The following MB variants were observed in gnomAD, a reference collection of about 807,000 sequenced individuals.
MB encodes nitrite reductase MB.
In MB, 10 loss-of-function variants were observed where a neutral mutation model predicts 14.5. The observed-to-expected ratio is 0.69, with a 90% CI of 0.43 to 1.17. The LOEUF is 1.17. Ranked by LOEUF, MB falls within the 50% of genes most tolerant of loss-of-function variation. The pLI is 0.00. For missense variants in MB, 169 were observed against 192.7 expected (o/e 0.88, Z 0.73); for synonymous variants, 89 against 78.6 (o/e 1.13, Z -0.70).
chr22:35,620,935 T>C (rs1923422587), upstream of MB, among the ~76,000 whole-genome samples: 1 of 152,242 alleles, frequency 6.6e-6, no homozygotes, highest in Admixed American at 6.5e-5. Context: ...GGCATGCTCA[T>C]GGAAACCTGT....
upstream of MB, among the ~76,000 whole-genome samples, chr22:35,620,002 C>T (rs1427625138): frequency 6.6e-6 from 1 of 152,230 alleles, no homozygotes; most frequent in East Asian, 1.9e-4. Context: ...AGGCCCATCT[C>T]TTTAGCAGTG....
intron 1 of MB, among the ~76,000 whole-genome samples, chr22:35,615,159 A>T (rs1308491844): frequency 1.3e-5 from 2 of 152,222 alleles, no homozygotes; most frequent in Non-Finnish European, 1.5e-5. Context: ...GATTGGAGAC[A>T]TAACCTTTCA....
upstream of MB, among the ~76,000 whole-genome samples, chr22:35,619,421 G>C (rs903097920): frequency 6.6e-6 from 1 of 152,204 alleles, no homozygotes; most frequent in Non-Finnish European, 1.5e-5. Flanking sequence ...GGCCATCCTG[G>C]GTCTGCACTG....
chr22:35,619,267 C>T (rs1045878424), upstream of MB, among the ~76,000 whole-genome samples: 1 of 152,252 alleles, frequency 6.6e-6, no homozygotes, highest in African/African-American at 2.4e-5. Context: ...GCCCTTCCTT[C>T]CATCTGCATA....
upstream of MB, chr22:35,617,406 C>A: frequency 1.6e-6 from 1 of 611,208 alleles, no homozygotes; most frequent in South Asian, 1.9e-5. Flanking sequence ...TCGCTGTCCC[C>A]CTCCCCTGCC....
At chr22:35,621,227 A>C (rs115625054), upstream of MB, among the ~76,000 whole-genome samples, 2,949 of 152,290 alleles carry the variant, frequency 0.019, 104 homozygotes, top group African/African-American at 0.067. Flanking sequence ...ACACGCACAC[A>C]CACGCACGAA....
intron 1 of MB, among the ~76,000 whole-genome samples, chr22:35,614,641 T>C (rs545277944): frequency 1.3e-5 from 2 of 152,360 alleles, no homozygotes; most frequent in East Asian, 3.9e-4. Context: ...AAGATTGTTG[T>C]CAGGCTTCAG....
Position 35,617,309 on chromosome 22 carries a change from T to C in MB, c.-52A>G, listed in dbSNP as rs1601846897. 1 of 1,457,800 alleles carries C rather than the reference T, an allele frequency of 6.9e-7. No individual in the cohort carries two copies. Among genetic ancestry groups the C allele is most frequent in the African/African-American group, 1.4e-5 (1 of 72,122 alleles). 90.3% of individuals were successfully genotyped at this position (1,457,800 alleles called of 1,614,324 possible). The stretch of plus-strand genomic sequence containing the variant: ...GCAAGTATGGGCTCACTGGGTGTCC[T>C]GGCCCCAACAGCTGGGGTTTGAGGC... On this transcript the variant is annotated 5_prime_UTR_variant, in exon 1 of 3. Coordinates refer to ENST00000397326, the MANE Select transcript of MB (RefSeq NM_005368.3).
At chr22:35,620,529 C>G (rs374480115), upstream of MB, among the ~76,000 whole-genome samples, 46 of 152,294 alleles carry the variant, frequency 3.0e-4, no homozygotes, top group African/African-American at 1.1e-3. Flanking sequence ...CAGTTTGACC[C>G]TTACTGCTGG....
rs766095327 is a variant in MB at position 35,607,360 on chromosome 22, C to G, written c.402G>C (p.Lys134Asn). 6.2e-7 allele frequency: 1 copy of G among 1,614,204 alleles called. No individual in the cohort carries two copies. Among genetic ancestry groups the G allele is most frequent in the Non-Finnish European group, 8.5e-7 (1 of 1,180,008 alleles). The part of the protein sequence containing the change: ...FGADAQGAMN[K>N]ALELFRKDMA... ...TGTCCTTCCGGAACAGCTCCAGGGC[C>G]TTGTTCATGGCCCCCTGGGCATCAG... Residue 134 changes from lysine (K) to asparagine (N), a missense_variant, in exon 3 of 3, where the codon AAG becomes AAC. Coordinates refer to ENST00000397326, the MANE Select transcript of MB (RefSeq NM_005368.3).
Position 35,607,242 on chromosome 22 carries a change from C to T in MB, c.*55G>A. ...TCTATATGGCTACACGAGATCAGAC[C>T]CCGCTCTCTCTTGAACCCGGGGCCC... On this transcript the variant is annotated 3_prime_UTR_variant, in exon 3 of 3. Coordinates refer to ENST00000397326, the MANE Select transcript of MB (RefSeq NM_005368.3). The T allele has an allele frequency of 6.4e-7, 1 of 1,569,128 alleles. No homozygotes were observed. Among genetic ancestry groups the T allele is most frequent in the Non-Finnish European group, 8.7e-7 (1 of 1,154,156 alleles).
At chr22:35,610,573 T>C (rs1243027235) in intron 2 of MB, among the ~76,000 whole-genome samples, 3 of 152,202 alleles carry the variant, frequency 2.0e-5, no homozygotes, top group Non-Finnish European at 4.4e-5. Context: ...CAAGTGGATA[T>C]GATAATGGTA....
chr22:35,619,395 G>A (rs1223484830), upstream of MB, among the ~76,000 whole-genome samples: 3 of 152,208 alleles, frequency 2.0e-5, no homozygotes, highest in Non-Finnish European at 4.4e-5. Flanking sequence ...ATTCAGAAAG[G>A]ATAAGCCAGT....
chr22:35,611,155 G>C (rs1224012251), intron 1 of MB, 49 bp from the exon 2 acceptor site: 1 of 1,378,574 alleles, frequency 7.3e-7, no homozygotes, highest in South Asian at 1.2e-5. Flanking sequence ...GCGGTGTGAG[G>C]TCTGGGGGCA....
chr22:35,615,189 G>A (rs1461141573), intron 1 of MB, among the ~76,000 whole-genome samples: 6 of 152,166 alleles, frequency 3.9e-5, no homozygotes, highest in Admixed American at 3.3e-4. Context: ...AGAAAATCCA[G>A]AGTCAGTATC....
upstream of MB, among the ~76,000 whole-genome samples, chr22:35,620,626 C>G (rs766798060): frequency 6.6e-6 from 1 of 152,170 alleles, no homozygotes; most frequent in African/African-American, 2.4e-5. Flanking sequence ...TGACCTGGGG[C>G]CCCCTGCCTG....
chr22:35,616,246 T>C (rs1923071269), intron 1 of MB, among the ~76,000 whole-genome samples: 1 of 151,980 alleles, frequency 6.6e-6, no homozygotes, highest in African/African-American at 2.4e-5. Context: ...AAGAGAAGAG[T>C]GTATCACCTT....
intron 1 of MB, among the ~76,000 whole-genome samples, chr22:35,614,256 T>C (rs1271458235): frequency 6.6e-6 from 1 of 152,160 alleles, no homozygotes; most frequent in Non-Finnish European, 1.5e-5. Flanking sequence ...CAGCCCGTCT[T>C]GCGTGTGGCA....
chr22:35,617,360 AC>A, upstream of MB: 1 of 773,222 alleles, frequency 1.3e-6, no homozygotes, highest in Non-Finnish European at 2.2e-6. Context: ...GCGTTTTTAT[AC>A]CTTCTGGGAT....
Sources: allele counts gnomAD v4.1 joint callset (sites outside exome capture counted in the v4.1 genomes callset), GRCh38; gene constraint gnomAD v4.1.1; transcripts MANE v1.5; gene names NCBI Gene and HGNC (gene_info 2026-07-23, HGNC 2026-07-21).